THBS4: variants seen among roughly 807,000 people sequenced by gnomAD.
THBS4 encodes the protein thrombospondin 4.
In THBS4, 90 loss-of-function variants were observed where a neutral mutation model predicts 115.7. That is an observed-to-expected ratio of 0.78 (90% CI 0.66 to 0.93). THBS4 has a LOEUF of 0.93. THBS4 is among the 40% of genes least tolerant of loss of function. THBS4 has a pLI of 0.00. For synonymous variants in THBS4, 460 were observed against 479.3 expected (o/e 0.96, Z 0.53); for missense variants, 1,087 against 1,232.7 (o/e 0.88, Z 1.77).
chr5:80,014,804 A>G (rs571516044), intron 2 of THBS4, among the ~76,000 whole-genome samples: 1 of 152,244 alleles, frequency 6.6e-6, no homozygotes, highest in Non-Finnish European at 1.5e-5. Flanking sequence ...ACAGCCCTGT[A>G]TTTCAATGAG....
At chr5:80,036,829 G>A (rs1832732990) in intron 1 of THBS4, among the ~76,000 whole-genome samples, 2 of 152,184 alleles carry the variant, frequency 1.3e-5, no homozygotes, top group Non-Finnish European at 2.9e-5. Flanking sequence ...TGAAGTAAAA[G>A]TTGTTTTTCC....
At position 80,070,696 on chromosome 5, in the gene THBS4, C is replaced by T. The variant is rs964240895; in HGVS notation, c.1506C>T (p.Gly502=). 9.3e-6 allele frequency: 15 copies of T among 1,614,052 alleles called. No homozygotes were observed. The highest frequency in any genetic ancestry group is 3.3e-5 in the Admixed American group (2 of 60,002). Residue 502 remains glycine, a synonymous_variant, in exon 12 of 22, where the codon GGC becomes GGT. Coordinates refer to ENST00000350881, the MANE Select transcript of THBS4 (RefSeq NM_003248.6). ...GCCAAGAAGATGCAGACAGAGATGGCATTGGCGACGCTTGTGACGAGGATG... is the reference window on the plus strand; with the variant it reads ...GCCAAGAAGATGCAGACAGAGATGGTATTGGCGACGCTTGTGACGAGGATG... ...NSGQEDADRD[G]IGDACDEDAD... is the part of the protein sequence containing the mutation.
chr5:80,027,894 CAA>C (rs1159986888), intron 2 of THBS4, among the ~76,000 whole-genome samples: 9 of 47,720 alleles, frequency 1.9e-4, no homozygotes, highest in East Asian at 6.5e-4. Context: ...ACCCTGTCTC[CAA>C]AAAAAAAAAA....
In THBS4 at chr5:80,001,225, A is replaced by G. The variant is rs75009273; in HGVS notation, n.177+2798A>G. On this transcript the variant is annotated intron_variant and non_coding_transcript_variant, in intron 2 of 3. Coordinates refer to the THBS4 transcript ENST00000510218. ...AAACGACATCTAGAGGTGACTGTCA[A>G]TATATCTTTTCTTTGCACGTACTAC... Among the ~76,000 whole-genome samples, 337 of 152,332 alleles carry G rather than the reference A, an allele frequency of 2.2e-3. 1 individual carries two copies. Among genetic ancestry groups the G allele is most frequent in the African/African-American group, 7.8e-3 (323 of 41,582 alleles).
At position 80,070,344 on chromosome 5, in the gene THBS4, A is replaced by T. The variant is rs748689999; in HGVS notation, c.1386A>T (p.Gly462=). Residue 462 remains glycine, a synonymous_variant, in exon 11 of 22, where the codon GGA becomes GGT. Coordinates refer to ENST00000350881, the MANE Select transcript of THBS4 (RefSeq NM_003248.6). ...VGWAGDGYIC[G]KDVDIDSYPD... is the part of the protein sequence containing the mutation. Reference sequence around the variant, plus strand: ...GGGCTGGAGATGGCTATATCTGTGGAAAGGATGTGGACATCGACAGTTACC... The same window carrying T: ...GGGCTGGAGATGGCTATATCTGTGGTAAGGATGTGGACATCGACAGTTACC... 3.9e-5 allele frequency: 62 copies of T among 1,608,130 alleles called. No individual in the cohort carries two copies. The highest frequency in any genetic ancestry group is 5.0e-5 in the Non-Finnish European group (59 of 1,177,252).
intron 2 of THBS4, among the ~76,000 whole-genome samples, chr5:80,051,794 AG>A (rs1232435581): frequency 6.6e-6 from 1 of 152,252 alleles, no homozygotes; most frequent in Non-Finnish European, 1.5e-5. Flanking sequence ...GTATCCCACT[AG>A]GTACTATTCA....
Position 80,058,265 on chromosome 5 carries a change from G to A in THBS4, c.600G>A (p.Leu200=). ...VRGSLFQVAS[L]QDCFLQQSEP... ...GCTCACTGTTCCAGGTGGCCAGCCT[G>A]CAAGACTGCTTCCTGCAGCAGAGTG... is the stretch of plus-strand genomic sequence containing the variant. The change falls in exon 4 of 22, where the codon CTG becomes CTA. Residue 200 remains leucine (L), a synonymous_variant. Coordinates refer to ENST00000350881, the MANE Select transcript of THBS4 (RefSeq NM_003248.6). 6.3e-7 allele frequency: 1 copy of A among 1,577,854 alleles called. No individual in the cohort carries two copies. Among genetic ancestry groups the A allele is most frequent in the South Asian group, 1.2e-5 (1 of 85,996 alleles).
At chr5:79,995,950 C>T (rs1831783144) in intron 1 of THBS4, among the ~76,000 whole-genome samples, 1 of 145,332 alleles carries the variant, frequency 6.9e-6, no homozygotes, top group South Asian at 2.3e-4. Flanking sequence ...GCCTGGCCAA[C>T]ATGGTAAAAC....
chr5:80,039,064 T>A (rs1377168008), intron 1 of THBS4, among the ~76,000 whole-genome samples: 2 of 152,254 alleles, frequency 1.3e-5, no homozygotes, highest in Non-Finnish European at 2.9e-5. Context: ...AATTGCCTTT[T>A]CATATTCCTT....
intron 2 of THBS4, among the ~76,000 whole-genome samples, chr5:80,020,610 C>T (rs1348943546): frequency 6.6e-6 from 1 of 152,198 alleles, no homozygotes; most frequent in Non-Finnish European, 1.5e-5. Flanking sequence ...GGATCGCTGA[C>T]CCTGAAAACA....
intron 10 of THBS4, chr5:80,068,920 C>T (rs994262633): frequency 1.3e-5 from 2 of 154,164 alleles, no homozygotes; most frequent in African/African-American, 4.8e-5. Context: ...CCATCCATTC[C>T]CAAATCCAAG....
At chr5:80,026,875 C>T (rs1237890941) in intron 2 of THBS4, among the ~76,000 whole-genome samples, 2 of 152,166 alleles carry the variant, frequency 1.3e-5, no homozygotes, top group Non-Finnish European at 1.5e-5. Flanking sequence ...TTCCCTAAGA[C>T]TTTAATTTTT....
At chr5:80,069,366 G>GT (rs1408840283) in intron 10 of THBS4, among the ~76,000 whole-genome samples, 3 of 152,202 alleles carry the variant, frequency 2.0e-5, no homozygotes, top group Non-Finnish European at 4.4e-5. Flanking sequence ...AGAATGTGGT[G>GT]TATCAGAGGG....
At position 80,035,939 on chromosome 5, in the gene THBS4, G is replaced by C; in HGVS notation, c.88+314G>C. 4 of 1,037,888 alleles carry C rather than the reference G, an allele frequency of 3.9e-6. No homozygotes were observed. The highest frequency in any genetic ancestry group is 4.7e-6 in the Non-Finnish European group (4 of 853,218). 64.3% of individuals were successfully genotyped at this position (1,037,888 alleles called of 1,614,324 possible). ...GGTCCTAGACCTCTTAACATGTTAG[G>C]CTCTGGTGTAGGGTGAATTCCGGGT... On this transcript the variant is annotated intron_variant, in intron 1 of 21. Coordinates refer to ENST00000350881, the MANE Select transcript of THBS4 (RefSeq NM_003248.6). This position sits in a 1 kb window ranked among gnomAD's most constrained non-coding sequence, Gnocchi z 4.6.
intron 2 of THBS4, among the ~76,000 whole-genome samples, chr5:80,004,058 C>T (rs138899561): frequency 4.6e-5 from 7 of 152,108 alleles, no homozygotes; most frequent in African/African-American, 1.7e-4. Flanking sequence ...GGGAACTAAG[C>T]GTTACAGCCA....
chr5:80,069,192 A>G (rs980753200), intron 10 of THBS4, among the ~76,000 whole-genome samples: 4 of 152,176 alleles, frequency 2.6e-5, no homozygotes, highest in Admixed American at 2.6e-4. Context: ...TTCCATCTTT[A>G]TCTCAAAGTT....
chr5:80,059,345 A>T, intron 5 of THBS4, 95 bp from the exon 6 acceptor site: 4 of 1,190,714 alleles, frequency 3.4e-6, no homozygotes, highest in Non-Finnish European at 4.7e-6. Flanking sequence ...AAAAAAAAAA[A>T]AGTGTTACAT....
rs77064027 is a variant in THBS4, at chr5:79,995,440, C to G, written n.82-2892C>G. On this transcript the variant is annotated intron_variant and non_coding_transcript_variant, in intron 1 of 3. Transcript: ENST00000510218. ...GGATTACTGGAGAAAAGGGTATAAA[C>G]GATAAGGACAGGTCTAAGAGCATGA... Among the ~76,000 whole-genome samples the G allele has an allele frequency of 6.4e-4, 97 of 151,972 alleles. 1 individual carries two copies. In the East Asian group the frequency reaches 0.019, roughly 29 times the overall value.
At chr5:80,050,146 G>C (rs1833207593) in intron 2 of THBS4, among the ~76,000 whole-genome samples, 1 of 152,204 alleles carries the variant, frequency 6.6e-6, no homozygotes, top group African/African-American at 2.4e-5. Context: ...AAACAGAGTT[G>C]TACCTGGAAC....
Sources: allele counts gnomAD v4.1 joint callset (sites outside exome capture counted in the v4.1 genomes callset), GRCh38; gene constraint gnomAD v4.1.1; non-coding constraint Gnocchi (gnomAD v3.1); transcripts MANE v1.5; gene names NCBI Gene and HGNC (gene_info 2026-07-23, HGNC 2026-07-21).